STAG2: variants seen among roughly 807,000 people sequenced by gnomAD.
The protein encoded by STAG2 is STAG2 cohesin complex component.
Under a neutral mutation model 108.1 loss-of-function variants are expected in STAG2, and 14 were observed. That is an observed-to-expected ratio of 0.13 (90% confidence interval 0.09 to 0.20). The LOEUF is 0.20. STAG2 is among the 10% of genes least tolerant of loss of function. STAG2 has a pLI of 1.00. For missense variants in STAG2, 440 were observed against 940.9 expected (o/e 0.47, Z 6.96); for synonymous variants, 307 against 302.7 (o/e 1.01, Z -0.15).
At position 123,997,909 on chromosome X, in the gene STAG2, GGGATCACA is replaced by G. The variant is rs1471945281; in HGVS notation, c.-162-23455_-162-23448del. Among the ~76,000 whole-genome samples, 6 of 112,181 alleles carry G rather than the reference GGGATCACA, an allele frequency of 5.3e-5. No homozygotes were observed. In the Admixed American group the frequency reaches 5.7e-4, roughly 11 times the overall value. ...GCCCACCTCGGCCTCCCAAAGTGCT[GGGATCACA>G]GGCGTGAGCCACTGCGCCTGGTCCC... On this transcript the variant is annotated intron_variant, in intron 1 of 34. Transcript: ENST00000371145.
intron 5 of STAG2, among the ~76,000 whole-genome samples, chrX:124,037,138 G>A (rs191516015): frequency 6.1e-4 from 68 of 111,096 alleles, no homozygotes; most frequent in South Asian, 3.7e-3. Context: ...CACTCACCTC[G>A]GCCTCCCAAA....
chrX:123,972,886 A>AAAAAAAAAAAAAAC, intron 1 of STAG2, among the ~76,000 whole-genome samples: 1 of 99,019 alleles, frequency 1.0e-5, no homozygotes, highest in Admixed American at 1.1e-4. Flanking sequence ...AAAAAAAAAA[A>AAAAAAAAAAAAAAC]AAAAAGAACC....
intron 1 of STAG2, among the ~76,000 whole-genome samples, chrX:124,000,408 G>C (rs2055974707): frequency 1.8e-5 from 2 of 111,543 alleles, no homozygotes; most frequent in Admixed American, 1.9e-4. Context: ...GGTGGCTGAT[G>C]CCTGTAATCC....
intron 4 of STAG2, among the ~76,000 whole-genome samples, chrX:124,028,988 TATATA>T (rs2057227118): frequency 1.6e-5 from 1 of 62,017 alleles, no homozygotes; most frequent in African/African-American, 7.4e-5. Context: ...TTTTTATTTA[TATATA>T]TATATATATA....
intron 30 of STAG2, among the ~76,000 whole-genome samples, chrX:124,089,802 A>G (rs1367668372): frequency 9.0e-6 from 1 of 110,829 alleles, no homozygotes; most frequent in Non-Finnish European, 1.9e-5. Context: ...CCCCAGGAGT[A>G]GCAAACTGTT....
At chrX:124,038,203 C>A (rs189015684) in intron 6 of STAG2, among the ~76,000 whole-genome samples, 1 of 111,103 alleles carries the variant, frequency 9.0e-6, no homozygotes, top group Non-Finnish European at 1.9e-5. Context: ...AAATTTCTTC[C>A]CTAAGACAGA....
At chrX:124,037,263 AT>A (rs1263123479) in intron 5 of STAG2, among the ~76,000 whole-genome samples, 2 of 111,970 alleles carry the variant, frequency 1.8e-5, no homozygotes, top group Admixed American at 9.5e-5. Context: ...ACTTGATGGA[AT>A]TGACTTCCAT....
intron 1 of STAG2, among the ~76,000 whole-genome samples, chrX:123,993,822 G>A (rs971645523): frequency 3.6e-5 from 4 of 111,367 alleles, no homozygotes; most frequent in Admixed American, 9.6e-5. Context: ...GCATTTAAAC[G>A]AACATTTTAT....
chrX:124,085,997 T>C (rs1250896582), intron 29 of STAG2, among the ~76,000 whole-genome samples: 1 of 111,267 alleles, frequency 9.0e-6, no homozygotes, highest in Non-Finnish European at 1.9e-5. Context: ...TATAGAACTC[T>C]TGGTGTCAGA....
chrX:124,037,010 C>T (rs867361765), intron 5 of STAG2, among the ~76,000 whole-genome samples: 23 of 110,371 alleles, frequency 2.1e-4, no homozygotes, highest in Middle Eastern at 4.6e-3. Context: ...CTCAGCCTCG[C>T]GAGTAGTTGG....
rs1349388486 is a variant in STAG2, at chrX:124,017,948, C to G, written c.-162-3419C>G. On this transcript the variant is annotated intron_variant, in intron 1 of 34. Transcript: ENST00000371145. ...TCTAATAATTAATAGCCTTTAATGGCAGCTCACTATACATGTGAACTTAAG... is the reference window on the plus strand; with the variant it reads ...TCTAATAATTAATAGCCTTTAATGGGAGCTCACTATACATGTGAACTTAAG... 3.6e-5 allele frequency among the ~76,000 whole-genome samples: 4 copies of G among 112,007 alleles called. No individual in the cohort carries two copies. In the East Asian group the frequency reaches 8.3e-4, roughly 23 times the overall value.
chrX:124,051,438 C>T, intron 13 of STAG2, 44 bp downstream of exon 13: 1 of 1,020,539 alleles, frequency 9.8e-7, no homozygotes, highest in East Asian at 3.1e-5. Flanking sequence ...GTTCAGATAT[C>T]TAAATAATAT....
At chrX:123,982,431 G>A (rs1212763671) in intron 1 of STAG2, among the ~76,000 whole-genome samples, 1 of 111,620 alleles carries the variant, frequency 9.0e-6, no homozygotes, top group African/African-American at 3.3e-5. Flanking sequence ...TGGCACGATC[G>A]TGGCACGATC....
chrX:124,035,552 A>C (rs549277633), intron 5 of STAG2, among the ~76,000 whole-genome samples: 3 of 112,160 alleles, frequency 2.7e-5, no homozygotes, highest in African/African-American at 9.7e-5. Context: ...TCTGGAATTC[A>C]GACAGAACTA....
intron 10 of STAG2, 41 bp downstream of exon 10, chrX:124,049,119 T>G (rs1314309069): frequency 9.9e-7 from 1 of 1,015,039 alleles, no homozygotes; most frequent in Admixed American, 2.4e-5. Context: ...CATTATGTAA[T>G]TTCTACTCAG....
At chrX:124,075,114 AAATT>A (rs1455391027) in intron 25 of STAG2, among the ~76,000 whole-genome samples, 2 of 112,045 alleles carry the variant, frequency 1.8e-5, no homozygotes, top group Non-Finnish European at 3.8e-5. Context: ...ACAGGATGAA[AAATT>A]AATTAAATGA....
In STAG2 at chrX:124,014,022, C is replaced by T. The variant is rs2056614348; in HGVS notation, c.-162-7345C>T. On this transcript the variant is annotated intron_variant, in intron 1 of 34. Transcript: ENST00000371145. ...GGACAGCCTGAGTATGTAGGTTTGTCAAGGTGATCACAGTTGTGGTGATGG... is the reference window on the plus strand; with the variant it reads ...GGACAGCCTGAGTATGTAGGTTTGTTAAGGTGATCACAGTTGTGGTGATGG... Among the ~76,000 whole-genome samples, 12 of 111,508 alleles carry T rather than the reference C, an allele frequency of 1.1e-4. No homozygotes were observed. The South Asian group carries it at 4.5e-3, about 42-fold the overall frequency.
chrX:123,979,194 A>G (rs1413575809), intron 1 of STAG2, among the ~76,000 whole-genome samples: 1 of 111,382 alleles, frequency 9.0e-6, no homozygotes, highest in African/African-American at 3.3e-5. Flanking sequence ...ATTTTGCTCA[A>G]ATATTACCCT....
chrX:124,045,354 C>T lies in STAG2; in HGVS notation c.653C>T (p.Thr218Ile). The T allele has an allele frequency of 8.3e-7, 1 of 1,206,126 alleles. No individual in the cohort carries two copies. The highest frequency in any genetic ancestry group is 1.1e-6 in the Non-Finnish European group (1 of 892,460). The change falls in exon 8 of 35, where the codon ACA becomes ATA. Residue 218 changes from threonine (T) to isoleucine (I), a missense_variant. Physicochemically the swap from Thr to Ile is moderately conservative, Grantham distance 89. Transcript: ENST00000371145. ...SDSQVRAFRHTSTLAAMKLMT... is the reference protein window; with the variant it reads ...SDSQVRAFRHISTLAAMKLMT... The stretch of plus-strand genomic sequence containing the variant: ...TCACAAGTCAGAGCATTTCGACATA[C>T]AAGCACCCTGGCAGGTCGGTATTTA...
Sources: allele counts gnomAD v4.1 joint callset (sites outside exome capture counted in the v4.1 genomes callset), GRCh38; gene constraint gnomAD v4.1.1; transcripts MANE v1.5; gene names NCBI Gene and HGNC (gene_info 2026-07-23, HGNC 2026-07-21).